RAPGEF4: variants seen among roughly 807,000 people sequenced by gnomAD.
RAPGEF4 encodes the protein Rap guanine nucleotide exchange factor 4.
RAPGEF4 carries 66 observed loss-of-function variants against 147.9 expected under a neutral mutation model. That is an observed-to-expected ratio of 0.45 (90% confidence interval 0.37 to 0.55). The LOEUF is 0.55. RAPGEF4 is among the 20% of genes least tolerant of loss of function. The pLI is 0.00. For missense variants in RAPGEF4, 1,071 were observed against 1,257.3 expected (o/e 0.85, Z 2.24); for synonymous variants, 419 against 442.7 (o/e 0.95, Z 0.67).
At chr2:172,901,878 A>G (rs2149962355) in intron 4 of RAPGEF4, among the ~76,000 whole-genome samples, 1 of 152,296 alleles carries the variant, frequency 6.6e-6, no homozygotes, top group South Asian at 2.1e-4. Flanking sequence ...TGGTTAACAG[A>G]GGAGAAAAAG....
At chr2:172,946,235 A>G (rs187810364) in intron 6 of RAPGEF4, among the ~76,000 whole-genome samples, 1 of 152,338 alleles carries the variant, frequency 6.6e-6, no homozygotes, top group Non-Finnish European at 1.5e-5. Context: ...CTTCAGTTAA[A>G]AATAAAACAA....
At chr2:173,023,254 C>CT (rs1389404827) in intron 23 of RAPGEF4, among the ~76,000 whole-genome samples, 1 of 152,202 alleles carries the variant, frequency 6.6e-6, no homozygotes, top group African/African-American at 2.4e-5. Context: ...GATAACAATG[C>CT]TACTCTCCCA....
At chr2:173,002,856 C>T (rs1694069767) in intron 17 of RAPGEF4, among the ~76,000 whole-genome samples, 1 of 152,094 alleles carries the variant, frequency 6.6e-6, no homozygotes, top group African/African-American at 2.4e-5. Context: ...CTTAATGAGA[C>T]TTACATACAT....
intron 1 of RAPGEF4, among the ~76,000 whole-genome samples, chr2:172,760,031 T>G (rs946240767): frequency 2.0e-5 from 3 of 152,126 alleles, no homozygotes; most frequent in Non-Finnish European, 2.9e-5. Flanking sequence ...GAAACACCAA[T>G]GGGCACAGAC....
chr2:173,040,680 A>C (rs1265437746), intron 29 of RAPGEF4, among the ~76,000 whole-genome samples: 2 of 152,196 alleles, frequency 1.3e-5, no homozygotes, highest in Non-Finnish European at 2.9e-5. Flanking sequence ...AATCTCCTAC[A>C]TCTTCACCCT....
intron 27 of RAPGEF4, among the ~76,000 whole-genome samples, chr2:173,035,863 T>C (rs1683929965): frequency 6.6e-6 from 1 of 152,086 alleles, no homozygotes; most frequent in Admixed American, 6.5e-5. Flanking sequence ...TAAAGGGAAG[T>C]GTATCATCAT....
At position 173,052,883 on chromosome 2, in the gene RAPGEF4, T is replaced by C. The variant is rs1184247048; in HGVS notation, c.*1116T>C. 6.6e-6 allele frequency: 1 copy of C among 152,222 alleles called. No homozygotes were observed. The highest frequency in any genetic ancestry group is 1.5e-5 in the Non-Finnish European group (1 of 68,046). 9.4% of individuals were successfully genotyped at this position (152,222 alleles called of 1,614,324 possible). On this transcript the variant is annotated 3_prime_UTR_variant, in exon 31 of 31. Coordinates refer to ENST00000397081, the MANE Select transcript of RAPGEF4 (RefSeq NM_007023.4). ...CTAGTATCTTCACTAAATATAATTG[T>C]CGACAAGAAATGGTTGTGTTCATCT...
intron 14 of RAPGEF4, among the ~76,000 whole-genome samples, chr2:172,990,509 CCTTT>C (rs3835835): frequency 0.011 from 1,602 of 152,218 alleles, 23 homozygotes; most frequent in East Asian, 0.042. Flanking sequence ...CTAATAAATG[CCTTT>C]GCTCCCCACC....
At chr2:173,001,169 TAG>T in intron 16 of RAPGEF4, 95 bp from the exon 17 acceptor site, 1 of 1,555,816 alleles carries the variant, frequency 6.4e-7, no homozygotes. Flanking sequence ...ACCAATGTGT[TAG>T]AACCAATGAC....
intron 4 of RAPGEF4, among the ~76,000 whole-genome samples, chr2:172,846,011 T>C (rs781709717): frequency 6.6e-6 from 1 of 152,232 alleles, no homozygotes; most frequent in African/African-American, 2.4e-5. Flanking sequence ...TTCAACAACA[T>C]AGCAAACCCT....
chr2:172,766,530 G>A (rs1317383313), intron 1 of RAPGEF4, among the ~76,000 whole-genome samples: 3 of 151,710 alleles, frequency 2.0e-5, no homozygotes, highest in African/African-American at 4.9e-5. Flanking sequence ...GATGGAGTGA[G>A]ACTCTGTCTC....
At chr2:172,811,739 C>T (rs1453121822) in intron 3 of RAPGEF4, among the ~76,000 whole-genome samples, 1 of 152,188 alleles carries the variant, frequency 6.6e-6, no homozygotes, top group African/African-American at 2.4e-5. Flanking sequence ...AAGAGTGCTT[C>T]TTCTACATCC....
chr2:173,020,088 T>A (rs984931456), intron 22 of RAPGEF4, among the ~76,000 whole-genome samples: 4 of 152,252 alleles, frequency 2.6e-5, no homozygotes, highest in Admixed American at 6.5e-5. Context: ...ACTAATTTTT[T>A]AATTTTTTTG....
intron 4 of RAPGEF4, among the ~76,000 whole-genome samples, chr2:172,834,957 G>T (rs972495046): frequency 6.6e-6 from 1 of 151,970 alleles, no homozygotes; most frequent in African/African-American, 2.4e-5. Flanking sequence ...CTCCTATTCC[G>T]TACTTCAGTT....
Position 172,885,376 on chromosome 2 carries a change from G to C in RAPGEF4, c.445-32426G>C, listed in dbSNP as rs151005303. ...AAGACCTGGTCTCTGGGTCTGTCTG[G>C]GGAACTTAAGCTAAGACAGAATTGT... On this transcript the variant is annotated intron_variant, in intron 4 of 30. Coordinates refer to ENST00000397081, the MANE Select transcript of RAPGEF4 (RefSeq NM_007023.4). 5.4e-3 allele frequency among the ~76,000 whole-genome samples: 816 copies of C among 152,244 alleles called. 8 individuals carry two copies. The highest frequency in any genetic ancestry group is 0.019 in the African/African-American group (793 of 41,530).
intron 4 of RAPGEF4, among the ~76,000 whole-genome samples, chr2:172,887,563 A>G (rs928260400): frequency 2.6e-5 from 4 of 152,156 alleles, no homozygotes; most frequent in Non-Finnish European, 4.4e-5. Flanking sequence ...TCGTTTATTC[A>G]TATATCGTTT....
At chr2:172,983,472 C>CTTTTTTTTTT (rs59582070) in intron 10 of RAPGEF4, 24 bp from the exon 11 acceptor site, 1 of 1,117,010 alleles carries the variant, frequency 9.0e-7, no homozygotes. Flanking sequence ...TTCCATATTC[C>CTTTTTTTTTT]TTTTTTTTTT....
At chr2:172,899,271 T>A (rs975782748) in intron 4 of RAPGEF4, among the ~76,000 whole-genome samples, 1 of 152,216 alleles carries the variant, frequency 6.6e-6, no homozygotes, top group Non-Finnish European at 1.5e-5. Flanking sequence ...GAAAGCCCAG[T>A]GTAGCTATTT....
rs923466705 is a variant in RAPGEF4, at chr2:172,889,622, T to C, written c.445-28180T>C. Among the ~76,000 whole-genome samples, 18 of 150,478 alleles carry C rather than the reference T, an allele frequency of 1.2e-4. 1 individual carries two copies. Among genetic ancestry groups the C allele is most frequent in the African/African-American group, 4.5e-4 (18 of 40,126 alleles). On this transcript the variant is annotated intron_variant, in intron 4 of 30. Coordinates refer to ENST00000397081, the MANE Select transcript of RAPGEF4 (RefSeq NM_007023.4). ...GACAGGCTTTAATCAAATATATATG[T>C]ATATATATGTATATATACATATATA...
Sources: allele counts gnomAD v4.1 joint callset (sites outside exome capture counted in the v4.1 genomes callset), GRCh38; gene constraint gnomAD v4.1.1; transcripts MANE v1.5; gene names NCBI Gene and HGNC (gene_info 2026-07-23, HGNC 2026-07-21).